SLC39A11: variants seen among roughly 807,000 people sequenced by gnomAD.
SLC39A11 encodes the protein solute carrier family 39 member 11, also known as zinc transporter ZIP11.
A neutral mutation model predicts 36.1 loss-of-function variants in SLC39A11; 33 were observed. The observed-to-expected ratio is 0.91, with a 90% CI of 0.69 to 1.22. The LOEUF is 1.22. Among genes scored for constraint, SLC39A11 ranks in the 50% most tolerant of loss-of-function variants. The pLI is 0.00. For missense variants in SLC39A11, 432 were observed against 430.3 expected (o/e 1.00, Z -0.03); for synonymous variants, 166 against 170.3 (o/e 0.97, Z 0.20).
intron 7 of SLC39A11, among the ~76,000 whole-genome samples, chr17:72,701,064 C>T (rs538374764): frequency 5.3e-5 from 8 of 152,236 alleles, no homozygotes; most frequent in African/African-American, 1.2e-4. Context: ...TCAGATGGGA[C>T]GACGTGCTTG....
At chr17:72,898,651 G>A (rs1461990930) in intron 5 of SLC39A11, among the ~76,000 whole-genome samples, 2 of 152,172 alleles carry the variant, frequency 1.3e-5, no homozygotes, top group African/African-American at 4.8e-5. Flanking sequence ...GCATACATGG[G>A]CATGCACACA....
chr17:72,930,737 C>T (rs2084339801), intron 5 of SLC39A11, among the ~76,000 whole-genome samples: 1 of 152,198 alleles, frequency 6.6e-6, no homozygotes, highest in Non-Finnish European at 1.5e-5. Context: ...AGACTGGTCA[C>T]TTCCATCCTG....
chr17:73,071,693 G>A lies in SLC39A11; in HGVS notation c.147+13115C>T, dbSNP rs187292194. 3.6e-3 allele frequency among the ~76,000 whole-genome samples: 541 copies of A among 152,274 alleles called. 8 individuals carry two copies. The highest frequency in any genetic ancestry group is 0.012 in the African/African-American group (514 of 41,542). On this transcript the variant is annotated intron_variant, in intron 3 of 9. Coordinates refer to ENST00000255559, the MANE Select transcript of SLC39A11 (RefSeq NM_139177.4). ...CAGATAGTAAATATTTTAGGCTTTG[G>A]GGCCACAGAGTCCTGTTGAAGCTAT...
At chr17:72,838,225 C>T (rs2078653524) in intron 6 of SLC39A11, 1 of 381,888 alleles carries the variant, frequency 2.6e-6, no homozygotes, top group Non-Finnish European at 4.6e-6. Flanking sequence ...ATTTTTCTTT[C>T]CTTTTCTTTT....
At chr17:72,878,126 A>G (rs1237720700) in intron 5 of SLC39A11, among the ~76,000 whole-genome samples, 3 of 151,954 alleles carry the variant, frequency 2.0e-5, no homozygotes, top group Non-Finnish European at 4.4e-5. Flanking sequence ...AGCTTCATCC[A>G]TGTCCCTACA....
chr17:73,008,944 C>T (rs1419473346), intron 4 of SLC39A11, among the ~76,000 whole-genome samples: 2 of 151,754 alleles, frequency 1.3e-5, no homozygotes, highest in Non-Finnish European at 2.9e-5. Flanking sequence ...GCCTGTAGTC[C>T]CAGCTACTCA....
intron 4 of SLC39A11, among the ~76,000 whole-genome samples, chr17:73,028,342 C>A (rs2058629162): frequency 6.6e-6 from 1 of 152,176 alleles, no homozygotes; most frequent in South Asian, 2.1e-4. Context: ...AACTCCGACC[C>A]CACAGAGCAT....
chr17:72,676,905 C>T (rs1459936625), intron 7 of SLC39A11, among the ~76,000 whole-genome samples: 1 of 152,168 alleles, frequency 6.6e-6, no homozygotes, highest in African/African-American at 2.4e-5. Context: ...GAGTGAAGCC[C>T]ATCTGGTGTA....
At chr17:72,773,476 T>C (rs983156977) in intron 6 of SLC39A11, among the ~76,000 whole-genome samples, 1 of 152,154 alleles carries the variant, frequency 6.6e-6, no homozygotes, top group Non-Finnish European at 1.5e-5. Flanking sequence ...TTCTTCTCCT[T>C]ACTGTCACCC....
At chr17:72,774,270 G>A (rs1348400261) in intron 6 of SLC39A11, among the ~76,000 whole-genome samples, 2 of 152,140 alleles carry the variant, frequency 1.3e-5, no homozygotes, top group Non-Finnish European at 2.9e-5. Flanking sequence ...GTGTCTAATG[G>A]GACAGTGACC....
chr17:72,656,065 G>A (rs562758368), intron 7 of SLC39A11, among the ~76,000 whole-genome samples: 1 of 152,296 alleles, frequency 6.6e-6, no homozygotes, highest in South Asian at 2.1e-4. Context: ...TGGGCAGGTG[G>A]GGTTGGTGGG....
chr17:72,876,041 T>A (rs2080883351), intron 5 of SLC39A11, among the ~76,000 whole-genome samples: 1 of 152,186 alleles, frequency 6.6e-6, no homozygotes. Flanking sequence ...AGGTTATAAA[T>A]ATAACTGCAA....
intron 5 of SLC39A11, among the ~76,000 whole-genome samples, chr17:72,873,214 T>G (rs1007563842): frequency 3.9e-5 from 6 of 152,144 alleles, no homozygotes; most frequent in Non-Finnish European, 8.8e-5. Context: ...CACGTTCTGA[T>G]GGACCGGCTG....
intron 7 of SLC39A11, among the ~76,000 whole-genome samples, chr17:72,665,392 T>TTTTTTTTTTTTTTTG (rs2070696164): frequency 1.7e-5 from 2 of 114,576 alleles, no homozygotes; most frequent in Non-Finnish European, 3.8e-5. Context: ...TTGAGGTGTT[T>TTTTTTTTTTTTTTTG]TTTTTTTTTT....
chr17:72,803,096 T>C (rs996444516), intron 6 of SLC39A11, among the ~76,000 whole-genome samples: 7 of 152,312 alleles, frequency 4.6e-5, no homozygotes, highest in African/African-American at 1.7e-4. Context: ...CGGGATTTGG[T>C]TTCCCAAATA....
At chr17:73,084,883 A>C in intron 2 of SLC39A11, 37 bp from the exon 3 acceptor site, 2 of 1,609,996 alleles carry the variant, frequency 1.2e-6, no homozygotes, top group Non-Finnish European at 1.7e-6. Context: ...TTTCCAAGAG[A>C]CAATAAGATG....
intron 7 of SLC39A11, among the ~76,000 whole-genome samples, chr17:72,721,889 G>C (rs1232396408): frequency 6.7e-6 from 1 of 148,772 alleles, no homozygotes; most frequent in Non-Finnish European, 1.5e-5. Context: ...AGAATCGCTT[G>C]AACCTGGGAG....
At chr17:72,965,427 C>T (rs1310793786) in intron 4 of SLC39A11, among the ~76,000 whole-genome samples, 1 of 152,144 alleles carries the variant, frequency 6.6e-6, no homozygotes, top group Non-Finnish European at 1.5e-5. Flanking sequence ...ATAGAAACTG[C>T]ACTTTGAATA....
intron 6 of SLC39A11, among the ~76,000 whole-genome samples, chr17:72,745,750 G>T (rs1199806301): frequency 2.0e-5 from 3 of 152,232 alleles, no homozygotes; most frequent in Non-Finnish European, 2.9e-5. Flanking sequence ...ATAGCCAGAA[G>T]AAGTCTAGAA....
Sources: allele counts gnomAD v4.1 joint callset (sites outside exome capture counted in the v4.1 genomes callset), GRCh38; gene constraint gnomAD v4.1.1; transcripts MANE v1.5; gene names NCBI Gene and HGNC (gene_info 2026-07-23, HGNC 2026-07-21).